Variants in LTBP1 observed in about 807,000 individuals in gnomAD.
LTBP1 encodes the protein latent transforming growth factor beta binding protein 1, also known as latent-transforming growth factor beta-binding protein 1.
A neutral mutation model predicts 207.6 loss-of-function variants in LTBP1; 129 were observed. The ratio of observed to expected loss-of-function variants is 0.62; its 90% CI spans 0.54 to 0.72. The LOEUF (loss-of-function observed/expected upper bound fraction) is 0.72. LTBP1 is among the 30% of genes least tolerant of loss of function. The pLI is 0.00. For synonymous variants in LTBP1, 963 were observed against 833.7 expected, an observed-to-expected ratio of 1.16 and a Z score of -2.67; for missense variants, 2,281 against 2,217.2, an observed-to-expected ratio of 1.03 and a Z score of -0.58.
intron 11 of LTBP1, among the ~76,000 whole-genome samples, chr2:33,253,470 T>C (rs1325390192): frequency 6.6e-6 from 1 of 152,126 alleles, no homozygotes; most frequent in African/African-American, 2.4e-5. Context: ...CTTCTACCAA[T>C]GAACCACCAA....
At chr2:33,124,829 GAGGTAGAT>G (rs1313574669) in intron 4 of LTBP1, among the ~76,000 whole-genome samples, 1 of 152,342 alleles carries the variant, frequency 6.6e-6, no homozygotes, top group Admixed American at 6.5e-5. Context: ...ACAGTCTTGT[GAGGTAGAT>G]AGGTTGGATG....
At chr2:33,186,833 A>G (rs1408094134) in intron 5 of LTBP1, 23 bp from the exon 6 acceptor site, 2 of 1,590,768 alleles carry the variant, frequency 1.3e-6, no homozygotes, top group East Asian at 2.2e-5. Flanking sequence ...CCAACTCTCC[A>G]TGTTTTCTCT....
At chr2:32,980,306 T>C (rs188423425) in intron 2 of LTBP1, among the ~76,000 whole-genome samples, 10 of 152,258 alleles carry the variant, frequency 6.6e-5, no homozygotes, top group Non-Finnish European at 1.3e-4. Context: ...CTTTTTATTT[T>C]TTGTGTATCT....
At chr2:33,147,786 A>T (rs1239907235) in intron 5 of LTBP1, among the ~76,000 whole-genome samples, 2 of 152,144 alleles carry the variant, frequency 1.3e-5, no homozygotes, top group African/African-American at 4.8e-5. Context: ...CTACCATTTC[A>T]GCTCACTCCA....
At chr2:33,129,203 C>CT (rs1403846527) in intron 4 of LTBP1, among the ~76,000 whole-genome samples, 2 of 152,158 alleles carry the variant, frequency 1.3e-5, no homozygotes, top group Admixed American at 6.5e-5. Context: ...ATGGTCTGTC[C>CT]TTTTTTGTAA....
chr2:33,293,470 C>T (rs1287106523), intron 20 of LTBP1, among the ~76,000 whole-genome samples, 188 bp downstream of exon 20: 1 of 152,136 alleles, frequency 6.6e-6, no homozygotes, highest in African/African-American at 2.4e-5. Flanking sequence ...TATCTATTTA[C>T]ATAAAGGGAA....
chr2:33,093,880 T>A (rs1429127596), intron 3 of LTBP1, among the ~76,000 whole-genome samples: 1 of 152,180 alleles, frequency 6.6e-6, no homozygotes, highest in East Asian at 1.9e-4. Flanking sequence ...GATAGCAATA[T>A]ATTTTAGAAA....
intron 5 of LTBP1, among the ~76,000 whole-genome samples, chr2:33,155,406 C>G (rs906792840): frequency 6.6e-6 from 1 of 152,222 alleles, no homozygotes; most frequent in Non-Finnish European, 1.5e-5. Flanking sequence ...CTCTGCTTCT[C>G]TGATAGATTG....
At chr2:32,982,633 G>T (rs1682936562) in intron 2 of LTBP1, among the ~76,000 whole-genome samples, 1 of 152,214 alleles carries the variant, frequency 6.6e-6, no homozygotes, top group Non-Finnish European at 1.5e-5. Context: ...CTCCCCTGCT[G>T]TATGCAGGCT....
At chr2:32,980,690 G>C (rs765687299) in intron 2 of LTBP1, among the ~76,000 whole-genome samples, 8 of 152,156 alleles carry the variant, frequency 5.3e-5, no homozygotes, top group Non-Finnish European at 1.0e-4. Context: ...ACCTTCAGAT[G>C]ATTTCATATT....
chr2:33,038,092 G>A (rs2076011904), intron 3 of LTBP1, among the ~76,000 whole-genome samples: 1 of 152,176 alleles, frequency 6.6e-6, no homozygotes, highest in South Asian at 2.1e-4. Flanking sequence ...TCCTAGTGGG[G>A]TACTACCCAT....
intron 4 of LTBP1, among the ~76,000 whole-genome samples, chr2:33,121,819 G>A (rs1448588010): frequency 6.6e-6 from 1 of 151,738 alleles, no homozygotes; most frequent in Non-Finnish European, 1.5e-5. Flanking sequence ...TTTTGTTGTT[G>A]TTTTGGTTTT....
intron 24 of LTBP1, among the ~76,000 whole-genome samples, chr2:33,320,472 T>A (rs1265537868): frequency 6.6e-6 from 1 of 152,086 alleles, no homozygotes; most frequent in Admixed American, 6.6e-5. Flanking sequence ...AAAGCTGCTT[T>A]GATGCTAACT....
intron 4 of LTBP1, among the ~76,000 whole-genome samples, chr2:33,125,949 T>C (rs1278412945): frequency 1.3e-5 from 2 of 152,222 alleles, no homozygotes; most frequent in African/African-American, 4.8e-5. Context: ...CTCAGTTTCT[T>C]TCATGAAATT....
rs1170078654 is a variant in LTBP1, at chr2:33,134,125, G to A, written c.1034-668G>A. 1.3e-5 allele frequency among the ~76,000 whole-genome samples: 2 copies of A among 152,140 alleles called. No individual in the cohort carries two copies. Among genetic ancestry groups the A allele is most frequent in the Non-Finnish European group, 2.9e-5 (2 of 68,018 alleles). ...TGACCTGGCTTACCCCTTTAAAGAT[G>A]GGCCCCGTTCACAGGAAAACAAAAT... On this transcript the variant is annotated intron_variant, in intron 4 of 33. Coordinates refer to ENST00000404816, the MANE Select transcript of LTBP1 (RefSeq NM_206943.4). This position sits in a 1 kb window ranked among gnomAD's most constrained non-coding sequence, Gnocchi z 4.4.
At chr2:33,111,173 A>G (rs913562695) in intron 4 of LTBP1, among the ~76,000 whole-genome samples, 15 of 152,162 alleles carry the variant, frequency 9.9e-5, no homozygotes, top group African/African-American at 3.1e-4. Flanking sequence ...ATATTTTTAC[A>G]TTATAAGACT....
chr2:33,085,512 C>G (rs2078696785), intron 3 of LTBP1, among the ~76,000 whole-genome samples: 1 of 152,138 alleles, frequency 6.6e-6, no homozygotes, highest in Non-Finnish European at 1.5e-5. Context: ...GCATCCTTGC[C>G]TTAGGAATAA....
chr2:33,162,991 T>G (rs763187018), intron 5 of LTBP1, among the ~76,000 whole-genome samples: 14 of 152,168 alleles, frequency 9.2e-5, no homozygotes, highest in Admixed American at 2.6e-4. Context: ...CTTTATTGAT[T>G]TATTTATTGA....
intron 2 of LTBP1, among the ~76,000 whole-genome samples, chr2:32,971,044 C>G (rs113404508): frequency 1.7e-4 from 21 of 123,734 alleles, no homozygotes; most frequent in African/African-American, 4.9e-4. Context: ...GTGTGTGTGT[C>G]TGTCTGTCTT....
Sources: gnomAD v4.1 joint callset for allele counts (sites outside exome capture counted in the v4.1 genomes callset) on GRCh38, gnomAD v4.1.1 for gene constraint, Gnocchi (gnomAD v3.1) non-coding constraint, MANE v1.5 for transcripts, NCBI Gene and HGNC (gene_info 2026-07-23, HGNC 2026-07-21) for gene names.